ARHGAP28: variants seen among roughly 807,000 people sequenced by gnomAD.
ARHGAP28 encodes rho GTPase-activating protein 28.
A neutral mutation model predicts 90.7 loss-of-function variants in ARHGAP28; 56 were observed. That is an observed-to-expected ratio of 0.62 (90% confidence interval 0.50 to 0.77). ARHGAP28 has a LOEUF of 0.77. Among genes scored for constraint, ARHGAP28 ranks in the 30% least tolerant of loss-of-function variants. The probability of loss-of-function intolerance (pLI) is 0.00; values close to 1 mark genes in which losing one functional copy is unlikely to be tolerated. For missense variants in ARHGAP28, 869 were observed against 900.9 expected (o/e 0.96, Z 0.45); for synonymous variants, 308 against 323.3 (o/e 0.95, Z 0.51).
chr18:6,851,695 A>G (rs958596585), intron 4 of ARHGAP28, among the ~76,000 whole-genome samples: 3 of 152,248 alleles, frequency 2.0e-5, no homozygotes, highest in Admixed American at 1.3e-4. Context: ...TGGTATATCC[A>G]CAAAATGGAA....
intron 2 of ARHGAP28, among the ~76,000 whole-genome samples, chr18:6,827,490 C>T (rs1241823049): frequency 3.6e-5 from 5 of 137,200 alleles, no homozygotes; most frequent in South Asian, 2.4e-4. Context: ...TAGGGGCGGC[C>T]GGGCAGAGGC....
intron 1 of ARHGAP28, among the ~76,000 whole-genome samples, chr18:6,771,598 C>T (rs917676032): frequency 1.3e-5 from 2 of 152,190 alleles, no homozygotes; most frequent in Non-Finnish European, 2.9e-5. Context: ...ACTAAAGTCA[C>T]TTCCTTCGTT....
At chr18:6,833,235 A>G (rs2056728716) in intron 2 of ARHGAP28, among the ~76,000 whole-genome samples, 1 of 152,088 alleles carries the variant, frequency 6.6e-6, no homozygotes. Flanking sequence ...GTATATATAC[A>G]TACACACTTA....
chr18:6,753,263 A>G (rs564762152), intron 1 of ARHGAP28, among the ~76,000 whole-genome samples: 1 of 152,258 alleles, frequency 6.6e-6, no homozygotes, highest in African/African-American at 2.4e-5. Context: ...GCAAAAGCTT[A>G]AAGTAGGAAA....
intron 11 of ARHGAP28, among the ~76,000 whole-genome samples, chr18:6,883,002 G>A (rs1005045255): frequency 6.6e-6 from 1 of 152,052 alleles, no homozygotes; most frequent in Non-Finnish European, 1.5e-5. Context: ...GGTACATAGT[G>A]GGGGCTTTAA....
chr18:6,900,977 A>G (rs974701366), intron 16 of ARHGAP28, among the ~76,000 whole-genome samples: 4 of 152,230 alleles, frequency 2.6e-5, no homozygotes, highest in Admixed American at 2.6e-4. Context: ...GCTGGAAGGA[A>G]GTGGCATAAC....
chr18:6,740,523 G>A (rs1189117141), intron 1 of ARHGAP28, among the ~76,000 whole-genome samples: 1 of 152,164 alleles, frequency 6.6e-6, no homozygotes, highest in Non-Finnish European at 1.5e-5. Flanking sequence ...ATCCTCTGCA[G>A]AGGTCAGAAT....
intron 5 of ARHGAP28, among the ~76,000 whole-genome samples, chr18:6,864,316 G>A (rs8090933): frequency 0.5 from 76,237 of 151,962 alleles, 20,421 homozygotes; most frequent in Non-Finnish European, 0.61. Context: ...CACCTGCCTC[G>A]GCCTCCCAAA....
chr18:6,906,181 G>T (rs2057363771), intron 16 of ARHGAP28, among the ~76,000 whole-genome samples: 1 of 152,124 alleles, frequency 6.6e-6, no homozygotes, highest in East Asian at 1.9e-4. Flanking sequence ...TATGATATTG[G>T]TGGAAGGATA....
chr18:6,915,250 T>A lies in ARHGAP28; in HGVS notation c.*3096T>A, dbSNP rs2057416726. 1 of 152,216 alleles carries A rather than the reference T, an allele frequency of 6.6e-6. No homozygotes were observed. Among genetic ancestry groups the A allele is most frequent in the African/African-American group, 2.4e-5 (1 of 41,460 alleles). The allele number at this position is 152,216 out of a possible 1,614,324, so 9.4% of individuals were successfully genotyped here. On this transcript the variant is annotated 3_prime_UTR_variant, in exon 18 of 18. Transcript: ENST00000383472. ...TAGGAATTAATGTCCATCTTTTCTT[T>A]CAGGCATTTTCATCTGCTGTCCACG...
At chr18:6,806,532 A>G (rs1413346808) in intron 1 of ARHGAP28, among the ~76,000 whole-genome samples, 4 of 152,074 alleles carry the variant, frequency 2.6e-5, no homozygotes, top group African/African-American at 9.7e-5. Context: ...TATTTGTTAT[A>G]TATATATATG....
intron 12 of ARHGAP28, 122 bp downstream of exon 12, chr18:6,887,361 A>C: frequency 2.5e-6 from 2 of 794,240 alleles, no homozygotes; most frequent in Non-Finnish European, 2.1e-6. Flanking sequence ...CTGCAAACAC[A>C]CGGCCTTTCT....
At chr18:6,766,312 T>C (rs1411036847) in intron 1 of ARHGAP28, among the ~76,000 whole-genome samples, 1 of 152,214 alleles carries the variant, frequency 6.6e-6, no homozygotes, top group African/African-American at 2.4e-5. Flanking sequence ...ATTATTAGGT[T>C]TTCTTGATGA....
chr18:6,759,513 T>A (rs1338298492), intron 1 of ARHGAP28, among the ~76,000 whole-genome samples: 1 of 152,232 alleles, frequency 6.6e-6, no homozygotes, highest in Non-Finnish European at 1.5e-5. Flanking sequence ...TATGGTTGGT[T>A]CGTTTTAAAA....
At chr18:6,878,954 A>G (rs2143612455) in intron 10 of ARHGAP28, among the ~76,000 whole-genome samples, 1 of 152,260 alleles carries the variant, frequency 6.6e-6, no homozygotes, top group African/African-American at 2.4e-5. Context: ...TTATCCTCGG[A>G]TTGAACCAAG....
chr18:6,860,743 C>T (rs1402660855), intron 5 of ARHGAP28, among the ~76,000 whole-genome samples: 1 of 152,178 alleles, frequency 6.6e-6, no homozygotes, highest in Non-Finnish European at 1.5e-5. Flanking sequence ...CTGTTAGCCC[C>T]ACATAAATTA....
chr18:6,841,223 C>T (rs1404561226), intron 3 of ARHGAP28, among the ~76,000 whole-genome samples: 1 of 131,074 alleles, frequency 7.6e-6, no homozygotes, highest in Non-Finnish European at 1.6e-5. Context: ...CTCTCTCTCT[C>T]CCCCCAACCC....
chr18:6,841,157 T>TCTC (rs2056808776), intron 3 of ARHGAP28, among the ~76,000 whole-genome samples: 14 of 70,314 alleles, frequency 2.0e-4, no homozygotes, highest in Non-Finnish European at 3.1e-4. Context: ...TCTCTCCTCT[T>TCTC]TCTCTCTCTC....
In ARHGAP28 at chr18:6,851,199, TG is replaced by T. The variant is rs1323286078; in HGVS notation, c.636+74del. 1.2e-5 allele frequency: 16 copies of T among 1,316,196 alleles called. No individual in the cohort carries two copies. The African/African-American group carries it at 2.2e-4, about 18-fold the overall frequency. The allele number at this position is 1,316,196 out of a possible 1,614,324, so 81.5% of individuals were successfully genotyped here. On this transcript the variant is annotated intron_variant, in intron 4 of 17. Coordinates refer to ENST00000383472, the MANE Select transcript of ARHGAP28 (RefSeq NM_001366230.1). ...TTCTTCAAGATGGTTGAGCAAAACT[TG>T]AAAAAAGTGCAACATAATTAAGATG... is the stretch of plus-strand genomic sequence containing the variant.
Sources: gnomAD v4.1 joint callset for allele counts (sites outside exome capture counted in the v4.1 genomes callset) on GRCh38, gnomAD v4.1.1 for gene constraint, MANE v1.5 for transcripts, NCBI Gene and HGNC (gene_info 2026-07-23, HGNC 2026-07-21) for gene names.